Variants in CNTFR observed in about 807,000 individuals in gnomAD.
CNTFR encodes the protein ciliary neurotrophic factor receptor subunit alpha.
CNTFR carries 12 observed loss-of-function variants against 40.4 expected under a neutral mutation model. That is an observed-to-expected ratio of 0.30 (90% CI 0.19 to 0.48). The LOEUF (loss-of-function observed/expected upper bound fraction) is 0.48. Among genes scored for constraint, CNTFR ranks in the 20% least tolerant of loss-of-function variants. CNTFR has a pLI of 0.99. For missense variants in CNTFR, 414 were observed against 506.8 expected, an observed-to-expected ratio of 0.82 and a Z score of 1.76; for synonymous variants, 202 against 209.6, an observed-to-expected ratio of 0.96 and a Z score of 0.31.
At chr9:34,568,751 T>C (rs1350421591) in intron 3 of CNTFR, 146 bp downstream of exon 3, 1 of 699,978 alleles carries the variant, frequency 1.4e-6, no homozygotes, top group Non-Finnish European at 2.5e-6. Flanking sequence ...CATATCAGTG[T>C]CACATGACTC....
intron 2 of CNTFR, among the ~76,000 whole-genome samples, chr9:34,575,671 C>CAGCCACTCAGGCCACAGAG: frequency 7.0e-6 from 1 of 142,568 alleles, no homozygotes; most frequent in South Asian, 2.5e-4. Flanking sequence ...ACACACACAC[C>CAGCCACTCAGGCCACAGAG]CACCCACCCA....
At chr9:34,554,542 C>A (rs1825760225) in intron 7 of CNTFR, among the ~76,000 whole-genome samples, 1 of 152,140 alleles carries the variant, frequency 6.6e-6, no homozygotes, top group Admixed American at 6.5e-5. Flanking sequence ...CTGACATTGG[C>A]CTCCCCTGGG....
chr9:34,559,032 G>A (rs1249800845), intron 4 of CNTFR, among the ~76,000 whole-genome samples: 4 of 152,188 alleles, frequency 2.6e-5, no homozygotes, highest in South Asian at 2.1e-4. Flanking sequence ...GATCTGACCC[G>A]AGCAAGGAAT....
chr9:34,551,669 C>T lies in CNTFR; in HGVS notation c.*402G>A, dbSNP rs1010616046. 1 of 353,406 alleles carries T rather than the reference C, an allele frequency of 2.8e-6. No homozygotes were observed. Among genetic ancestry groups the T allele is most frequent in the Non-Finnish European group, 5.3e-6 (1 of 188,516 alleles). 21.9% of individuals were successfully genotyped at this position (353,406 alleles called of 1,614,324 possible). On this transcript the variant is annotated 3_prime_UTR_variant, in exon 10 of 10. Coordinates refer to ENST00000378980, the MANE Select transcript of CNTFR (RefSeq NM_147164.3). ...GGGGATGGCTGGGCCCCCCCAGCATCAGGAGCTTATAATCTGATGGTGGCA... is the reference window on the plus strand; with the variant it reads ...GGGGATGGCTGGGCCCCCCCAGCATTAGGAGCTTATAATCTGATGGTGGCA...
rs751872004 is a variant in CNTFR at position 34,552,837 on chromosome 9, G to A, written c.786C>T (p.Gly262=). The part of the protein sequence containing the change: ...DQWQHVELSD[G]TAHTITDAYA... ...AGGCATCTGTGATGGTGTGTGCTGT[G>A]CCGTCGGACAGCTCCACCTGCAGCC... The change falls in exon 8 of 10, where the codon GGC becomes GGT. Residue 262 remains glycine (G), a synonymous_variant. Transcript: ENST00000378980. This position sits in a 1 kb window ranked among gnomAD's most constrained non-coding sequence, Gnocchi z 5.1. 1 of 1,612,198 alleles carries A rather than the reference G, an allele frequency of 6.2e-7. No individual in the cohort carries two copies. The highest frequency in any genetic ancestry group is 1.1e-5 in the South Asian group (1 of 91,016).
intron 1 of CNTFR, among the ~76,000 whole-genome samples, chr9:34,588,702 G>A (rs1435026176): frequency 6.6e-6 from 1 of 151,660 alleles, no homozygotes. Context: ...GAGGGGGGAG[G>A]GGGACAAGGG....
chr9:34,553,613 G>A lies in CNTFR; in HGVS notation c.769-759C>T, dbSNP rs183631476. Among the ~76,000 whole-genome samples the A allele has an allele frequency of 5.3e-3, 813 of 152,302 alleles. 4 individuals carry two copies. The highest frequency in any genetic ancestry group is 0.018 in the African/African-American group (755 of 41,560). On this transcript the variant is annotated intron_variant, in intron 7 of 9. Transcript: ENST00000378980. ...AGTGTGGTTATCACCCTGCTGGGGCGGAAAGGGGTGGGGGACAGCCCCTGG... is the reference window on the plus strand; with the variant it reads ...AGTGTGGTTATCACCCTGCTGGGGCAGAAAGGGGTGGGGGACAGCCCCTGG...
Position 34,552,061 on chromosome 9 carries a change from G to A in CNTFR, c.*10C>T. Reference sequence around the variant, plus strand: ...GCAGGTGCTCTGCATGTCCTCATGGGGTGCCGGGCTCTGTAGAGACAGGCA... The same window carrying A: ...GCAGGTGCTCTGCATGTCCTCATGGAGTGCCGGGCTCTGTAGAGACAGGCA... On this transcript the variant is annotated 3_prime_UTR_variant, in exon 10 of 10. Coordinates refer to ENST00000378980, the MANE Select transcript of CNTFR (RefSeq NM_147164.3). The surrounding 1 kb of genome is among the most constrained non-coding windows in gnomAD (Gnocchi z 5.1). 1 of 1,448,712 alleles carries A rather than the reference G, an allele frequency of 6.9e-7. No individual in the cohort carries two copies. Among genetic ancestry groups the A allele is most frequent in the South Asian group, 1.2e-5 (1 of 85,614 alleles). 89.7% of individuals were successfully genotyped at this position (1,448,712 alleles called of 1,614,324 possible). A position where few individuals can be genotyped will look rare whatever the true frequency, so the allele number is the denominator to read the frequency against.
At position 34,552,145 on chromosome 9, in the gene CNTFR, G is replaced by A. The variant is rs1182439566; in HGVS notation, c.1118+16C>T. 8 of 1,593,138 alleles carry A rather than the reference G, an allele frequency of 5.0e-6. No individual in the cohort carries two copies. Among genetic ancestry groups the A allele is most frequent in the African/African-American group, 1.3e-5 (1 of 74,638 alleles). ...TCCCTCAGGCTCCCTCTGCCACCCA[G>A]CCTCACTCAACCTACCAGATCAAGA... On this transcript the variant is annotated intron_variant, in intron 9 of 9. Transcript: ENST00000378980. The surrounding 1 kb of genome is among the most constrained non-coding windows in gnomAD (Gnocchi z 5.1).
chr9:34,555,039 G>A (rs889959770), intron 7 of CNTFR, among the ~76,000 whole-genome samples: 2 of 152,258 alleles, frequency 1.3e-5, no homozygotes, highest in Admixed American at 6.5e-5. Context: ...GCTGGGAGCC[G>A]CGTGCGTGTG....
chr9:34,567,316 C>T (rs747451114), intron 3 of CNTFR, among the ~76,000 whole-genome samples: 6 of 152,136 alleles, frequency 3.9e-5, no homozygotes, highest in East Asian at 1.9e-4. Flanking sequence ...ACAGAGCTGA[C>T]GGCTCCCTCA....
At position 34,557,923 on chromosome 9, in the gene CNTFR, G is replaced by A. The variant is rs1160610547; in HGVS notation, c.381C>T (p.Cys127=). 2 of 1,576,172 alleles carry A rather than the reference G, an allele frequency of 1.3e-6. No individual in the cohort carries two copies. The highest frequency in any genetic ancestry group is 8.6e-7 in the Non-Finnish European group (1 of 1,161,324). The change falls in exon 5 of 10, where the codon TGC becomes TGT. Residue 127 remains cysteine, a synonymous_variant. Coordinates refer to ENST00000378980, the MANE Select transcript of CNTFR (RefSeq NM_147164.3). The surrounding 1 kb of genome is among the most constrained non-coding windows in gnomAD (Gnocchi z 4.2). Reference sequence around the variant, plus strand: ...AGGTGGGGGTGGGCAGATGCCAGCTGCAGTAGAAGCCCTTGGGGTAAGTGT... The same window carrying A: ...AGGTGGGGGTGGGCAGATGCCAGCTACAGTAGAAGCCCTTGGGGTAAGTGT... ...RSNTYPKGFY[C]SWHLPTPTYI...
chr9:34,555,077 G>C (rs1199668588), intron 7 of CNTFR, among the ~76,000 whole-genome samples: 1 of 152,136 alleles, frequency 6.6e-6, no homozygotes, highest in African/African-American at 2.4e-5. Flanking sequence ...GGTGGGCGGT[G>C]TGCCAGGTCC....
intron 2 of CNTFR, among the ~76,000 whole-genome samples, chr9:34,576,890 A>G (rs56208137): frequency 6.6e-6 from 1 of 152,132 alleles, no homozygotes; most frequent in African/African-American, 2.4e-5. Flanking sequence ...CTATGTGCCC[A>G]TAACTGTCTA....
Position 34,568,972 on chromosome 9 carries a change from G to C in CNTFR, c.10C>G (p.Pro4Ala), listed in dbSNP as rs762205617. Residue 4 changes from proline (P) to alanine (A), a missense_variant, in exon 3 of 10, where the codon CCT (proline) becomes GCT (alanine). Physicochemically the swap from Pro to Ala is conservative, Grantham distance 27. Around this residue, in one of 3 missense-constraint regions of CNTFR, gnomAD observed 250 missense variants for 269.5 expected, o/e 0.93. Transcript: ENST00000378980. ...ACAGCACAGCAGGCCCACGGGACAG[G>C]AGCAGCCATCTGTTGGGAGAAACCG... MAA[P>A]VPWACCAVLA... is the part of the protein sequence containing the mutation. 11 of 1,594,664 alleles carry C rather than the reference G, an allele frequency of 6.9e-6. No homozygotes were observed. The highest frequency in any genetic ancestry group is 9.4e-6 in the Non-Finnish European group (11 of 1,170,948).
intron 2 of CNTFR, among the ~76,000 whole-genome samples, chr9:34,573,759 G>A (rs978449071): frequency 3.9e-5 from 6 of 152,360 alleles, no homozygotes; most frequent in East Asian, 1.9e-4. Context: ...GCAGCCTAGA[G>A]GGCCCATCTC....
In CNTFR at chr9:34,552,939, T is replaced by TGAGGA; in HGVS notation, c.769-90_769-86dup. 1 of 1,377,094 alleles carries TGAGGA rather than the reference T, an allele frequency of 7.3e-7. No homozygotes were observed. Among genetic ancestry groups the TGAGGA allele is most frequent in the South Asian group, 1.2e-5 (1 of 81,540 alleles). The allele number at this position is 1,377,094 out of a possible 1,614,324, so 85.3% of individuals were successfully genotyped here. Reference sequence around the variant, plus strand: ...CCTCCAGAGGAAGTGAGCATGCCTCTGAGGAGAGGAGAGTAAAGGGCTCTG... The same window carrying TGAGGA: ...CCTCCAGAGGAAGTGAGCATGCCTCTGAGGAGAGGAGAGGAGAGTAAAGGGCTCTG... On this transcript the variant is annotated intron_variant, in intron 7 of 9. Coordinates refer to ENST00000378980, the MANE Select transcript of CNTFR (RefSeq NM_147164.3). This position sits in a 1 kb window ranked among gnomAD's most constrained non-coding sequence, Gnocchi z 5.1.
rs929418659 is a variant in CNTFR at position 34,589,476 on chromosome 9, A to G, written c.-112+79T>C. 2.5e-4 allele frequency: 37 copies of G among 150,274 alleles called. No homozygotes were observed. The highest frequency in any genetic ancestry group is 8.8e-4 in the African/African-American group (36 of 40,746). 9.3% of individuals were successfully genotyped at this position (150,274 alleles called of 1,614,324 possible). ...ACGGGTGTCCCCTCACTCTTCCCGC[A>G]CGCATGAGGGCCGCCGGTCTGCTGG... On this transcript the variant is annotated intron_variant, in intron 1 of 9. Coordinates refer to ENST00000378980, the MANE Select transcript of CNTFR (RefSeq NM_147164.3). This position sits in a 1 kb window ranked among gnomAD's most constrained non-coding sequence, Gnocchi z 4.4.
intron 3 of CNTFR, among the ~76,000 whole-genome samples, 164 bp from the exon 4 acceptor site, chr9:34,564,996 C>T (rs955080445): frequency 1.3e-5 from 2 of 152,178 alleles, no homozygotes; most frequent in Admixed American, 1.3e-4. Context: ...CAAAGCTCCT[C>T]TATGCCTGTG....
Sources: allele counts gnomAD v4.1 joint callset (sites outside exome capture counted in the v4.1 genomes callset), GRCh38; gene constraint gnomAD v4.1.1; regional missense constraint gnomAD v4.1.1; non-coding constraint Gnocchi (gnomAD v3.1); transcripts MANE v1.5; gene names NCBI Gene and HGNC (gene_info 2026-07-23, HGNC 2026-07-21).